Variants in TMC7 observed in about 807,000 individuals in gnomAD.
TMC7 encodes transmembrane channel like 7, also known as transmembrane channel-like protein 7.
Under a neutral mutation model 82.9 loss-of-function variants are expected in TMC7, and 54 were observed. The ratio of observed to expected loss-of-function variants is 0.65; its 90% CI spans 0.52 to 0.82. The LOEUF (loss-of-function observed/expected upper bound fraction) is 0.82. Ranked by LOEUF, TMC7 falls within the 40% of genes least tolerant of loss-of-function variation. The pLI is 0.00. For missense variants in TMC7, 820 were observed against 901.2 expected (o/e 0.91, Z 1.15); for synonymous variants, 350 against 337.9 (o/e 1.04, Z -0.39).
At chr16:19,045,131 C>CA in intron 10 of TMC7, 130 bp downstream of exon 10, 1 of 892,604 alleles carries the variant, frequency 1.1e-6, no homozygotes, top group East Asian at 2.4e-5. Flanking sequence ...AGTGATGAGA[C>CA]AGAGTCTGGC....
intron 1 of TMC7, among the ~76,000 whole-genome samples, chr16:19,005,042 T>C (rs2039212438): frequency 6.6e-6 from 1 of 150,816 alleles, no homozygotes; most frequent in African/African-American, 2.4e-5. Context: ...TGACGATGCA[T>C]GTTAAATACT....
intron 1 of TMC7, among the ~76,000 whole-genome samples, chr16:18,985,256 C>CAA (rs5816022): frequency 0.014 from 1,888 of 134,302 alleles, 25 homozygotes; most frequent in African/African-American, 0.036. Context: ...AAGACTGTTT[C>CAA]AAAAAAAAAA....
rs115289309 is a variant in TMC7 at position 19,056,516 on chromosome 16, G to C, written c.1872-26G>C. Reference sequence around the variant, plus strand: ...TCAACCTGTGCTGCACGCTCCTTCTGAGCCCGTTGGTCTGTGTCCTGGCAG... The same window carrying C: ...TCAACCTGTGCTGCACGCTCCTTCTCAGCCCGTTGGTCTGTGTCCTGGCAG... On this transcript the variant is annotated intron_variant, in intron 13 of 15. Transcript: ENST00000304381. 1.3e-4 allele frequency: 212 copies of C among 1,608,396 alleles called. No individual in the cohort carries two copies. The African/African-American group carries it at 2.6e-3, about 20-fold the overall frequency.
At chr16:19,020,719 T>A (rs1959926117) in intron 3 of TMC7, among the ~76,000 whole-genome samples, 1 of 151,028 alleles carries the variant, frequency 6.6e-6, no homozygotes, top group Non-Finnish European at 1.5e-5. Context: ...AACATAAAAA[T>A]TAGCTGGGCG....
At chr16:18,991,970 C>A (rs1212229568) in intron 1 of TMC7, among the ~76,000 whole-genome samples, 2 of 151,856 alleles carry the variant, frequency 1.3e-5, no homozygotes, top group Non-Finnish European at 2.9e-5. Context: ...TGTATATGTG[C>A]CACATTTTCT....
In TMC7 at chr16:19,035,838, G is replaced by A. The variant is rs1567520588; in HGVS notation, c.1005+15G>A. 6.4e-7 allele frequency: 1 copy of A among 1,558,024 alleles called. No individual in the cohort carries two copies. On this transcript the variant is annotated intron_variant, in intron 7 of 15. Coordinates refer to ENST00000304381, the MANE Select transcript of TMC7 (RefSeq NM_024847.4). ...ACGAGCTCCGAGTGAGTGCTCCTGAGTTTGTCCGTGGTGGGGTCCTCACCA... is the reference window on the plus strand; with the variant it reads ...ACGAGCTCCGAGTGAGTGCTCCTGAATTTGTCCGTGGTGGGGTCCTCACCA...
At chr16:19,024,758 G>T (rs535882314) in intron 5 of TMC7, among the ~76,000 whole-genome samples, 1 of 152,026 alleles carries the variant, frequency 6.6e-6, no homozygotes, top group Non-Finnish European at 1.5e-5. Flanking sequence ...TGTAATCCCA[G>T]CACTTTGGGA....
chr16:19,043,648 G>A (rs1174923057), intron 9 of TMC7, among the ~76,000 whole-genome samples: 3 of 152,052 alleles, frequency 2.0e-5, no homozygotes, highest in African/African-American at 7.3e-5. Context: ...TTATCTCACC[G>A]CAACCTTCGC....
At chr16:19,014,546 A>G (rs1959577173) in intron 2 of TMC7, among the ~76,000 whole-genome samples, 1 of 152,202 alleles carries the variant, frequency 6.6e-6, no homozygotes, top group African/African-American at 2.4e-5. Context: ...GCCGTGTGCC[A>G]TATGCCATGG....
chr16:19,011,116 A>T (rs994559851), intron 2 of TMC7, among the ~76,000 whole-genome samples: 3 of 152,152 alleles, frequency 2.0e-5, no homozygotes, highest in Non-Finnish European at 4.4e-5. Flanking sequence ...GCCAAGTCTG[A>T]AAGGTGCACA....
At chr16:19,029,995 C>T (rs1269427840) in intron 5 of TMC7, among the ~76,000 whole-genome samples, 6 of 151,866 alleles carry the variant, frequency 4.0e-5, no homozygotes, top group African/African-American at 9.7e-5. Flanking sequence ...GGATTACAGG[C>T]GTGAGCCACC....
intron 1 of TMC7, among the ~76,000 whole-genome samples, chr16:19,004,460 C>G (rs7184903): frequency 0.93 from 141,728 of 152,106 alleles, 66,326 homozygotes; most frequent in Non-Finnish European, 0.97. Context: ...CGCCTCCTGG[C>G]TTCAAGCAAT....
chr16:19,000,442 T>A (rs752726061), intron 1 of TMC7, among the ~76,000 whole-genome samples: 19 of 152,034 alleles, frequency 1.2e-4, no homozygotes, highest in Non-Finnish European at 2.5e-4. Context: ...ACCACTGCAC[T>A]CCAGCCTGGG....
At chr16:19,046,237 T>A (rs118040700) in intron 11 of TMC7, among the ~76,000 whole-genome samples, 1 of 152,192 alleles carries the variant, frequency 6.6e-6, no homozygotes, top group Non-Finnish European at 1.5e-5. Context: ...TCCCTGCTCC[T>A]TGCTAGTCAT....
intron 15 of TMC7, among the ~76,000 whole-genome samples, chr16:19,060,985 C>T (rs529844166): frequency 4.0e-5 from 6 of 149,354 alleles, no homozygotes; most frequent in East Asian, 2.0e-4. Context: ...AGGGGTTTCA[C>T]CATGATGGCC....
At chr16:19,059,358 T>C (rs771776035) in intron 14 of TMC7, 58 bp from the exon 15 acceptor site, 2 of 1,582,586 alleles carry the variant, frequency 1.3e-6, no homozygotes, top group Non-Finnish European at 8.6e-7. Context: ...TGGGTTATTT[T>C]TCTATTGGCC....
At position 19,037,900 on chromosome 16, in the gene TMC7, G is replaced by A. The variant is rs776175470; in HGVS notation, c.1032G>A (p.Arg344=). Residue 344 remains arginine, a synonymous_variant, in exon 8 of 16, where the codon CGG becomes CGA. Coordinates refer to ENST00000304381, the MANE Select transcript of TMC7 (RefSeq NM_024847.4). ...CAGATCTGGAGGAAGAAAGAATGCG[G>A]CAGAAAATAGCAGAAAGGACCTCAG... is the stretch of plus-strand genomic sequence containing the variant. The part of the protein sequence containing the change: ...LRADLEEERM[R]QKIAERTSEE... 24 of 1,612,652 alleles carry A rather than the reference G, an allele frequency of 1.5e-5. No homozygotes were observed. Among genetic ancestry groups the A allele is most frequent in the Non-Finnish European group, 1.9e-5 (23 of 1,179,682 alleles).
intron 6 of TMC7, 30 bp from the exon 7 acceptor site, chr16:19,035,646 A>G (rs755344873): frequency 1.2e-5 from 20 of 1,614,036 alleles, no homozygotes; most frequent in Non-Finnish European, 1.6e-5. Flanking sequence ...TGTTGTTTCT[A>G]TAAGAAGGAT....
At position 19,037,865 on chromosome 16, in the gene TMC7, T is replaced by C. The variant is rs1228881487; in HGVS notation, c.1006-9T>C. The C allele has an allele frequency of 6.2e-7, 1 of 1,608,654 alleles. No individual in the cohort carries two copies. The highest frequency in any genetic ancestry group is 8.5e-7 in the Non-Finnish European group (1 of 1,177,970). ...CACTGCTCACAAGTGAATTTTCTTT[T>C]ATCTTCAGGCAGATCTGGAGGAAGA... On this transcript the variant is annotated splice_polypyrimidine_tract_variant and intron_variant, in intron 7 of 15. Coordinates refer to ENST00000304381, the MANE Select transcript of TMC7 (RefSeq NM_024847.4).
Sources: gnomAD v4.1 joint callset for allele counts (sites outside exome capture counted in the v4.1 genomes callset) on GRCh38, gnomAD v4.1.1 for gene constraint, MANE v1.5 for transcripts, NCBI Gene and HGNC (gene_info 2026-07-23, HGNC 2026-07-21) for gene names.